SLC14A2: variants seen among roughly 807,000 people sequenced by gnomAD.
SLC14A2 encodes solute carrier family 14 member 2.
A neutral mutation model predicts 104.6 loss-of-function variants in SLC14A2; 91 were observed. The observed-to-expected ratio is 0.87, with a 90% CI of 0.73 to 1.04. The LOEUF (loss-of-function observed/expected upper bound fraction) is 1.04, where lower values mean the gene tolerates loss of function less well. Ranked by LOEUF, SLC14A2 falls within the 50% of genes least tolerant of loss-of-function variation. SLC14A2 has a pLI of 0.00. For missense variants in SLC14A2, 1,189 were observed against 1,156.0 expected, an observed-to-expected ratio of 1.03 and a Z score of -0.41; for synonymous variants, 476 against 466.4, an observed-to-expected ratio of 1.02 and a Z score of -0.27.
rs532672809 is a variant in SLC14A2 at position 45,259,446 on chromosome 18, T to A, written c.-125+46255T>A. ...CAAATCTATGGGAATTCATTTCACA[T>A]AAATGGCACCAAAAGAATGATCATA... On this transcript the variant is annotated intron_variant, in intron 1 of 20. Coordinates refer to the SLC14A2 transcript ENST00000586448. Among the ~76,000 whole-genome samples the A allele has an allele frequency of 6.6e-5, 10 of 152,278 alleles. No homozygotes were observed. The South Asian group carries it at 2.1e-3, about 32-fold the overall frequency.
At chr18:45,675,878 C>T (rs1012720706) in intron 18 of SLC14A2, among the ~76,000 whole-genome samples, 3 of 151,810 alleles carry the variant, frequency 2.0e-5, no homozygotes, top group African/African-American at 7.3e-5. Flanking sequence ...GTCAAGCTTA[C>T]TTGTGCGTAG....
At chr18:45,231,676 A>G (rs2084176077) in intron 1 of SLC14A2, among the ~76,000 whole-genome samples, 1 of 152,246 alleles carries the variant, frequency 6.6e-6, no homozygotes, top group African/African-American at 2.4e-5. Flanking sequence ...GTCCTTTAAT[A>G]TGGCCATATG....
In SLC14A2 at chr18:45,241,907, T is replaced by G. The variant is rs150578028; in HGVS notation, c.-125+28716T>G. On this transcript the variant is annotated intron_variant, in intron 1 of 20. Transcript: ENST00000586448. ...ATTCACCTGCCTCGGCCTCCCAAAG[T>G]GCTGGGATTACAGGTGTGAACCACA... 5.0e-3 allele frequency among the ~76,000 whole-genome samples: 762 copies of G among 152,084 alleles called. 4 individuals carry two copies. The highest frequency in any genetic ancestry group is 6.7e-3 in the Non-Finnish European group (453 of 67,992).
chr18:45,502,492 C>T (rs2043213816), intron 2 of SLC14A2, among the ~76,000 whole-genome samples: 1 of 152,158 alleles, frequency 6.6e-6, no homozygotes, highest in South Asian at 2.1e-4. Context: ...AGGAACAGTT[C>T]CATGTCTAGG....
chr18:45,201,518 A>T, the SLC14A2 span, among the ~76,000 whole-genome samples: 1 of 151,266 alleles, frequency 6.6e-6, no homozygotes, highest in East Asian at 1.9e-4. Flanking sequence ...TGTTCCTTTG[A>T]CATATCTAAC....
intron 10 of SLC14A2, among the ~76,000 whole-genome samples, chr18:45,648,869 G>T (rs2144580522): frequency 6.6e-6 from 1 of 151,692 alleles, no homozygotes; most frequent in Non-Finnish European, 1.5e-5. Flanking sequence ...TTGTTAATTT[G>T]GAAGGTCCAC....
At chr18:45,514,032 G>T (rs1476595667) in intron 2 of SLC14A2, among the ~76,000 whole-genome samples, 2 of 152,158 alleles carry the variant, frequency 1.3e-5, no homozygotes, top group Non-Finnish European at 2.9e-5. Flanking sequence ...GAACTAAAAA[G>T]TTGGTCCTAA....
the SLC14A2 span, among the ~76,000 whole-genome samples, chr18:45,201,551 A>T: frequency 1.5e-4 from 23 of 149,612 alleles, no homozygotes; most frequent in South Asian, 2.1e-3. Flanking sequence ...GTATGTGTGT[A>T]GTGTGTGTGT....
At chr18:45,659,961 CAAA>C (rs11456560) in intron 10 of SLC14A2, among the ~76,000 whole-genome samples, 1 of 104,798 alleles carries the variant, frequency 9.5e-6, no homozygotes, top group Non-Finnish European at 1.9e-5. Context: ...ACTGGCTCTA[CAAA>C]AAAAAAAAAA....
chr18:45,494,441 A>G (rs556457856), intron 2 of SLC14A2, among the ~76,000 whole-genome samples: 51 of 152,318 alleles, frequency 3.3e-4, no homozygotes, highest in African/African-American at 1.2e-3. Context: ...TCTGTCACCC[A>G]GGCTGGAGTA....
chr18:45,556,416 A>T (rs1431013864), intron 2 of SLC14A2, among the ~76,000 whole-genome samples: 1 of 152,180 alleles, frequency 6.6e-6, no homozygotes, highest in Non-Finnish European at 1.5e-5. Flanking sequence ...CCCATAAGGC[A>T]AAAATTCTCT....
At chr18:45,317,365 G>A (rs1473093125) in intron 1 of SLC14A2, among the ~76,000 whole-genome samples, 5 of 152,180 alleles carry the variant, frequency 3.3e-5, no homozygotes, top group Non-Finnish European at 7.4e-5. Context: ...GAGCTTAAGG[G>A]AGATCTCAGT....
chr18:45,399,877 T>C (rs1250201197), intron 1 of SLC14A2, among the ~76,000 whole-genome samples: 1 of 152,024 alleles, frequency 6.6e-6, no homozygotes, highest in Non-Finnish European at 1.5e-5. Flanking sequence ...CAACCCCCTC[T>C]TCCTTCTTTT....
chr18:45,250,484 A>G (rs886970952), intron 1 of SLC14A2, among the ~76,000 whole-genome samples: 2 of 150,930 alleles, frequency 1.3e-5, no homozygotes, highest in Non-Finnish European at 3.0e-5. Flanking sequence ...CTTTGTGCTA[A>G]TTTTTATGAC....
At chr18:45,407,073 C>T (rs897733219) in intron 1 of SLC14A2, among the ~76,000 whole-genome samples, 5 of 152,162 alleles carry the variant, frequency 3.3e-5, no homozygotes, top group African/African-American at 1.2e-4. Context: ...AGCTTTGAAG[C>T]CAGACATTGA....
intron 2 of SLC14A2, among the ~76,000 whole-genome samples, chr18:45,519,958 G>A (rs1197122824): frequency 2.0e-5 from 3 of 152,168 alleles, no homozygotes; most frequent in African/African-American, 7.2e-5. Flanking sequence ...GTGTTAGCAG[G>A]CCCTTGCATA....
intron 10 of SLC14A2, 126 bp from the exon 11 acceptor site, chr18:45,663,659 C>T: frequency 9.8e-7 from 1 of 1,023,412 alleles, no homozygotes; most frequent in Non-Finnish European, 1.4e-6. Context: ...GCAATGACTA[C>T]TCCAGCTTCA....
chr18:45,266,803 C>T (rs140963336), intron 1 of SLC14A2, among the ~76,000 whole-genome samples: 59 of 152,258 alleles, frequency 3.9e-4, no homozygotes, highest in East Asian at 1.9e-4. Context: ...GAATGCTGAG[C>T]TGGGTGATAT....
chr18:45,192,627 TGTGTG>T, the SLC14A2 span, among the ~76,000 whole-genome samples: 1 of 139,946 alleles, frequency 7.1e-6, no homozygotes, highest in Non-Finnish European at 1.6e-5. Flanking sequence ...TGTGTGTGTG[TGTGTG>T]TGTGGTTTTT....
Sources: allele counts gnomAD v4.1 joint callset (sites outside exome capture counted in the v4.1 genomes callset), GRCh38; gene constraint gnomAD v4.1.1; transcripts MANE v1.5; gene names NCBI Gene and HGNC (gene_info 2026-07-23, HGNC 2026-07-21).